ADSS2: variants seen among roughly 807,000 people sequenced by gnomAD.
The protein encoded by ADSS2 is adenylosuccinate synthase 2.
ADSS2 carries 30 observed loss-of-function variants against 60.0 expected under a neutral mutation model. The ratio of observed to expected loss-of-function variants is 0.50; its 90% CI spans 0.37 to 0.68. The LOEUF is 0.68. Ranked by LOEUF, ADSS2 falls within the 30% of genes least tolerant of loss-of-function variation. The pLI is 0.00. For missense variants in ADSS2, 373 were observed against 554.8 expected, an observed-to-expected ratio of 0.67 and a Z score of 3.29; for synonymous variants, 187 against 193.1, an observed-to-expected ratio of 0.97 and a Z score of 0.26.
intron 9 of ADSS2, among the ~76,000 whole-genome samples, chr1:244,418,044 C>T (rs559621606): frequency 3.3e-5 from 5 of 152,244 alleles, no homozygotes; most frequent in East Asian, 3.9e-4. Flanking sequence ...ATTAAATAGA[C>T]GAATCCAGCC....
At chr1:244,444,514 CAAAAAAAA>C (rs56001597) in intron 1 of ADSS2, among the ~76,000 whole-genome samples, 1,290 of 42,610 alleles carry the variant, frequency 0.03, 82 homozygotes, top group African/African-American at 0.1. Context: ...GACTCCATCT[CAAAAAAAA>C]AAAAAAAAAA....
chr1:244,449,458 T>C (rs1665477071), intron 1 of ADSS2, among the ~76,000 whole-genome samples: 1 of 152,154 alleles, frequency 6.6e-6, no homozygotes, highest in Non-Finnish European at 1.5e-5. Context: ...GCTCACAATG[T>C]CTTACTGTTG....
At chr1:244,409,710 G>GT in intron 12 of ADSS2, 72 bp from the exon 13 acceptor site, 1 of 1,193,338 alleles carries the variant, frequency 8.4e-7, no homozygotes, top group Non-Finnish European at 1.2e-6. Flanking sequence ...ATTAAAACAG[G>GT]TAGTCCCCTA....
At chr1:244,444,644 C>G (rs1572149014) in intron 1 of ADSS2, among the ~76,000 whole-genome samples, 1 of 150,640 alleles carries the variant, frequency 6.6e-6, no homozygotes, top group Non-Finnish European at 1.5e-5. Flanking sequence ...AAACAAAAAG[C>G]AGGACTAAAA....
intron 1 of ADSS2, among the ~76,000 whole-genome samples, chr1:244,442,648 C>G (rs193245563): frequency 3.3e-5 from 5 of 152,200 alleles, no homozygotes. Context: ...AATCTTGAAA[C>G]GCACACTACA....
chr1:244,418,626 T>A (rs1664592080), intron 9 of ADSS2, 134 bp downstream of exon 9: 1 of 938,146 alleles, frequency 1.1e-6, no homozygotes, highest in Non-Finnish European at 1.5e-6. Context: ...CAGCCAAAAT[T>A]ATGTATTTAA....
At position 244,417,639 on chromosome 1, in the gene ADSS2, A is replaced by G; in HGVS notation, c.1059T>C (p.Asn353=). 4 of 1,612,180 alleles carry G rather than the reference A, an allele frequency of 2.5e-6. No individual in the cohort carries two copies. The highest frequency in any genetic ancestry group is 3.4e-6 in the Non-Finnish European group (4 of 1,179,866). Residue 353 remains asparagine, a synonymous_variant, in exon 10 of 13, where the codon AAT becomes AAC. Coordinates refer to ENST00000366535, the MANE Select transcript of ADSS2 (RefSeq NM_001126.5). ...TGAAGAATACTCACGCAGTAAATCC[A>G]TTGATCATATGAGCATATTTGAGCA... The part of the protein sequence containing the change: ...LVLLKYAHMI[N]GFTALALTKL...
At chr1:244,413,309 A>G (rs1164404994) in intron 11 of ADSS2, among the ~76,000 whole-genome samples, 1 of 152,190 alleles carries the variant, frequency 6.6e-6, no homozygotes, top group East Asian at 1.9e-4. Flanking sequence ...GCTGTTGTAG[A>G]TGGTAGGAGG....
intron 1 of ADSS2, among the ~76,000 whole-genome samples, chr1:244,439,729 A>T (rs767298732): frequency 2.0e-4 from 31 of 152,072 alleles, no homozygotes; most frequent in Non-Finnish European, 1.6e-4. Flanking sequence ...TTGCCCAAGA[A>T]CTGTAGTCTT....
At chr1:244,420,907 C>G (rs1373087777) in intron 7 of ADSS2, among the ~76,000 whole-genome samples, 1 of 151,902 alleles carries the variant, frequency 6.6e-6, no homozygotes, top group Non-Finnish European at 1.5e-5. Flanking sequence ...GCCCAGGTTG[C>G]CCAGGCTGTT....
intron 6 of ADSS2, among the ~76,000 whole-genome samples, chr1:244,423,236 A>G (rs1313992459): frequency 6.6e-6 from 1 of 152,250 alleles, no homozygotes; most frequent in Non-Finnish European, 1.5e-5. Context: ...ACTGTATTAT[A>G]CTGTACAACA....
At chr1:244,420,617 A>G (rs943724377) in intron 7 of ADSS2, among the ~76,000 whole-genome samples, 6 of 152,244 alleles carry the variant, frequency 3.9e-5, no homozygotes, top group Non-Finnish European at 8.8e-5. Context: ...GAAAATAAAA[A>G]TAAATGACTA....
intron 4 of ADSS2, among the ~76,000 whole-genome samples, chr1:244,425,171 T>C (rs751532508): frequency 7.2e-5 from 11 of 152,200 alleles, no homozygotes; most frequent in Non-Finnish European, 1.0e-4. Context: ...GGTGCAAACA[T>C]GTCCTCAAAT....
rs1170820677 is a variant in ADSS2 at position 244,418,285 on chromosome 1, C to T, written c.945+475G>A. 3.9e-5 allele frequency among the ~76,000 whole-genome samples: 6 copies of T among 152,246 alleles called. No individual in the cohort carries two copies. The South Asian group carries it at 1.0e-3, about 26-fold the overall frequency. ...CATTTCATTATCTCTTATATTCTGG[C>T]ATCATTATAATTACATAGTTTTTGT... On this transcript the variant is annotated intron_variant, in intron 9 of 12. Coordinates refer to ENST00000366535, the MANE Select transcript of ADSS2 (RefSeq NM_001126.5).
At position 244,423,948 on chromosome 1, in the gene ADSS2, GT is replaced by G; in HGVS notation, c.581+4del. On this transcript the variant is annotated splice_donor_region_variant and intron_variant, in intron 6 of 12. Coordinates refer to ENST00000366535, the MANE Select transcript of ADSS2 (RefSeq NM_001126.5). The stretch of plus-strand genomic sequence containing the variant: ...TCCTTCCATTTTGAAACACAAGTTA[GT>G]TACCTCTCAGAGAAGCCATCAAAGT... 6.2e-7 allele frequency: 1 copy of G among 1,602,714 alleles called. No individual in the cohort carries two copies. Among genetic ancestry groups the G allele is most frequent in the Non-Finnish European group, 8.5e-7 (1 of 1,175,184 alleles).
At chr1:244,441,865 A>C (rs951143041) in intron 1 of ADSS2, among the ~76,000 whole-genome samples, 4 of 152,124 alleles carry the variant, frequency 2.6e-5, no homozygotes, top group African/African-American at 9.7e-5. Flanking sequence ...CTGAGGCAGG[A>C]GAATGGCGTG....
In ADSS2 at chr1:244,417,761, C is replaced by A; in HGVS notation, c.946-9G>T. On this transcript the variant is annotated splice_polypyrimidine_tract_variant and intron_variant, in intron 9 of 12. Coordinates refer to ENST00000366535, the MANE Select transcript of ADSS2 (RefSeq NM_001126.5). ...AATAATTCTCCAATTTCCTACAGAACAGAAAATTGAACTTTAGGATTAGAA... is the reference window on the plus strand; with the variant it reads ...AATAATTCTCCAATTTCCTACAGAAAAGAAAATTGAACTTTAGGATTAGAA... The A allele has an allele frequency of 2.5e-6, 4 of 1,612,112 alleles. No homozygotes were observed. The highest frequency in any genetic ancestry group is 3.4e-6 in the Non-Finnish European group (4 of 1,178,520).
Position 244,451,400 on chromosome 1 carries a change from G to A in ADSS2, c.183+235C>T, listed in dbSNP as rs1359657117. Among the ~76,000 whole-genome samples the A allele has an allele frequency of 6.6e-6, 1 of 152,182 alleles. No individual in the cohort carries two copies. The highest frequency in any genetic ancestry group is 1.5e-5 in the Non-Finnish European group (1 of 68,022). On this transcript the variant is annotated intron_variant, in intron 1 of 12. Coordinates refer to ENST00000366535, the MANE Select transcript of ADSS2 (RefSeq NM_001126.5). The surrounding 1 kb of genome is among the most constrained non-coding windows in gnomAD (Gnocchi z 6.6). ...CGCATCTCTCAAAGGCTCCCCGCCA[G>A]CCCACCTCTTCCTCCAGGGCCACCC...
At chr1:244,443,025 A>G (rs775390153) in intron 1 of ADSS2, among the ~76,000 whole-genome samples, 2 of 152,130 alleles carry the variant, frequency 1.3e-5, no homozygotes, top group Non-Finnish European at 2.9e-5. Flanking sequence ...CTGCTCCTAC[A>G]TGGGCCCATG....
Sources: allele counts gnomAD v4.1 joint callset (sites outside exome capture counted in the v4.1 genomes callset), GRCh38; gene constraint gnomAD v4.1.1; non-coding constraint Gnocchi (gnomAD v3.1); transcripts MANE v1.5; gene names NCBI Gene and HGNC (gene_info 2026-07-23, HGNC 2026-07-21).